C9orf50: variants seen among roughly 807,000 people sequenced by gnomAD.
C9orf50 encodes the protein uncharacterized protein C9orf50.
In C9orf50, 33 loss-of-function variants were observed where a neutral mutation model predicts 42.5. That is an observed-to-expected ratio of 0.78 (90% confidence interval 0.59 to 1.04). C9orf50 has a LOEUF of 1.04. Ranked by LOEUF, C9orf50 falls within the 50% of genes least tolerant of loss-of-function variation. The pLI is 0.00. For missense variants in C9orf50, 547 were observed against 594.3 expected, an observed-to-expected ratio of 0.92 and a Z score of 0.83; for synonymous variants, 257 against 273.4, an observed-to-expected ratio of 0.94 and a Z score of 0.59.
intron 4 of C9orf50, 75 bp downstream of exon 4, chr9:129,615,409 C>A (rs752795348): frequency 5.3e-5 from 77 of 1,442,516 alleles, no homozygotes; most frequent in Non-Finnish European, 6.7e-5. Flanking sequence ...ACTCTAGGGG[C>A]CCGGAGCTAC....
intron 3 of C9orf50, among the ~76,000 whole-genome samples, chr9:129,617,075 G>A (rs3002460): frequency 0.029 from 4,381 of 150,302 alleles, 70 homozygotes; most frequent in Admixed American, 0.045. Context: ...CAAAAAAAAA[G>A]AAAAAAAAAA....
Position 129,613,415 on chromosome 9 carries a change from C to A in C9orf50, c.1043+20G>T, listed in dbSNP as rs758961345. 73 of 1,610,972 alleles carry A rather than the reference C, an allele frequency of 4.5e-5. No homozygotes were observed. Among genetic ancestry groups the A allele is most frequent in the Non-Finnish European group, 5.6e-5 (66 of 1,178,094 alleles). On this transcript the variant is annotated intron_variant, in intron 5 of 6. Transcript: ENST00000372478. This position sits in a 1 kb window ranked among gnomAD's most constrained non-coding sequence, Gnocchi z 6.2. ...CCCTGGCAATGTCCACGAGTCCCAT[C>A]CGCTTCCCTGGAGCCTCACAGGCCA...
Position 129,619,500 on chromosome 9 carries a change from T to A in C9orf50, c.716+20A>T. 6.3e-7 allele frequency: 1 copy of A among 1,574,840 alleles called. No homozygotes were observed. Among genetic ancestry groups the A allele is most frequent in the Non-Finnish European group, 8.7e-7 (1 of 1,146,408 alleles). ...GCCCCTTTCCTCCACTACCCTACCC[T>A]TATCCCGCCCATCACTCACTGGTTG... On this transcript the variant is annotated intron_variant, in intron 3 of 6. Coordinates refer to ENST00000372478, the Ensembl canonical transcript of C9orf50.
rs1389054602 is a variant in C9orf50, at chr9:129,614,475, G to A, written c.881-878C>T. Among the ~76,000 whole-genome samples, 1 of 152,212 alleles carries A rather than the reference G, an allele frequency of 6.6e-6. No individual in the cohort carries two copies. The highest frequency in any genetic ancestry group is 1.5e-5 in the Non-Finnish European group (1 of 68,036). ...GCTCAATAAACAGCTAGAGGACATT[G>A]ACTGTTGGGGACCCTGGGGGCTGCT... On this transcript the variant is annotated intron_variant, in intron 4 of 6. Transcript: ENST00000372478. The surrounding 1 kb of genome is among the most constrained non-coding windows in gnomAD (Gnocchi z 4.4).
Position 129,613,604 on chromosome 9 carries a change from G to T in C9orf50, c.881-7C>A. ...ACAATGACGCTCTGTTGGACTGCAG[G>T]AAAGAGGGCAGGGTGAGATCTCTGC... is the stretch of plus-strand genomic sequence containing the variant. On this transcript the variant is annotated splice_polypyrimidine_tract_variant and splice_region_variant and intron_variant, in intron 4 of 6. Transcript: ENST00000372478. This position sits in a 1 kb window ranked among gnomAD's most constrained non-coding sequence, Gnocchi z 6.2. The T allele has an allele frequency of 6.2e-7, 1 of 1,614,080 alleles. No homozygotes were observed. The highest frequency in any genetic ancestry group is 8.5e-7 in the Non-Finnish European group (1 of 1,180,018).
upstream of C9orf50, chr9:129,620,900 T>G: frequency 3.7e-6 from 1 of 270,754 alleles, no homozygotes; most frequent in Non-Finnish European, 6.9e-6. This position sits in a 1 kb window ranked among gnomAD's most constrained non-coding sequence, Gnocchi z 5.8. Context: ...ACACATAGAC[T>G]AGCTGCCATT....
chr9:129,618,449 G>A (rs1830497834), intron 3 of C9orf50, among the ~76,000 whole-genome samples: 1 of 152,160 alleles, frequency 6.6e-6, no homozygotes, highest in South Asian at 2.1e-4. Context: ...TGGACTGATG[G>A]GTGAGTTAAT....
chr9:129,612,243 T>C, exon 7 of C9orf50: 1 of 915,526 alleles, frequency 1.1e-6, no homozygotes, highest in Non-Finnish European at 1.7e-6. Context: ...TGACACCTAC[T>C]GGCAGGTCCC....
intron 3 of C9orf50, among the ~76,000 whole-genome samples, chr9:129,616,947 G>A (rs549968225): frequency 9.2e-5 from 14 of 152,218 alleles, no homozygotes; most frequent in East Asian, 1.9e-4. Flanking sequence ...GGTGGCGTGC[G>A]CCTGTAGTTC....
chr9:129,620,621 G>C lies in C9orf50; in HGVS notation c.-47C>G. The C allele has an allele frequency of 7.7e-7, 1 of 1,292,100 alleles. No homozygotes were observed. Among genetic ancestry groups the C allele is most frequent in the Non-Finnish European group, 9.8e-7 (1 of 1,019,536 alleles). 80.0% of individuals were successfully genotyped at this position (1,292,100 alleles called of 1,614,324 possible). A position where few individuals can be genotyped will look rare whatever the true frequency, so the allele number is the denominator to read the frequency against. The stretch of plus-strand genomic sequence containing the variant: ...ACCGCACCCTCAGCGCGCGTGGGTG[G>C]GGGGCGCCGGCTGAGGTGGGGAGGG... On this transcript the variant is annotated 5_prime_UTR_variant, in exon 1 of 7. Transcript: ENST00000372478. The surrounding 1 kb of genome is among the most constrained non-coding windows in gnomAD (Gnocchi z 5.8).
chr9:129,620,671 G>T lies in C9orf50; in HGVS notation c.-97C>A. 1 of 1,142,340 alleles carries T rather than the reference G, an allele frequency of 8.8e-7. No individual in the cohort carries two copies. Among genetic ancestry groups the T allele is most frequent in the Non-Finnish European group, 1.1e-6 (1 of 905,008 alleles). 70.8% of individuals were successfully genotyped at this position (1,142,340 alleles called of 1,614,324 possible). ...GCATAGTCCAGCCCCAGGCCATAGT[G>T]CCCCGGGCGGGGCAGCGCGGTGCGG... is the stretch of plus-strand genomic sequence containing the variant. On this transcript the variant is annotated 5_prime_UTR_variant, in exon 1 of 7. Transcript: ENST00000372478. The surrounding 1 kb of genome is among the most constrained non-coding windows in gnomAD (Gnocchi z 5.8).
At chr9:129,618,343 A>T (rs1376386255) in intron 3 of C9orf50, among the ~76,000 whole-genome samples, 1 of 152,156 alleles carries the variant, frequency 6.6e-6, no homozygotes, top group Non-Finnish European at 1.5e-5. Flanking sequence ...TATTCAACAT[A>T]TAGTAAAACC....
Position 129,614,648 on chromosome 9 carries a change from A to G in C9orf50, c.880+836T>C, listed in dbSNP as rs184442301. On this transcript the variant is annotated intron_variant, in intron 4 of 6. Coordinates refer to ENST00000372478, the Ensembl canonical transcript of C9orf50. This position sits in a 1 kb window ranked among gnomAD's most constrained non-coding sequence, Gnocchi z 4.4. ...GCCAGGCGCGGTGGCTCATGCCTGT[A>G]ATCCCAGCACTTTGGGAGGCAGAGG... Among the ~76,000 whole-genome samples the G allele has an allele frequency of 2.5e-3, 386 of 152,286 alleles. 4 individuals carry two copies. The highest frequency in any genetic ancestry group is 7.9e-3 in the African/African-American group (328 of 41,574).
Position 129,620,646 on chromosome 9 carries a change from G to GCATAGTCCAGCCCCAGGC in C9orf50, c.-90_-73dup. ...GGGGGCGCCGGCTGAGGTGGGGAGG[G>GCATAGTCCAGCCCCAGGC]CATAGTCCAGCCCCAGGCCATAGTG... On this transcript the variant is annotated 5_prime_UTR_variant, in exon 1 of 7. The change creates a new upstream start codon in the 5' untranslated region. Coordinates refer to ENST00000372478, the Ensembl canonical transcript of C9orf50. This position sits in a 1 kb window ranked among gnomAD's most constrained non-coding sequence, Gnocchi z 5.8. The GCATAGTCCAGCCCCAGGC allele has an allele frequency of 8.1e-7, 1 of 1,239,200 alleles. No individual in the cohort carries two copies. The highest frequency in any genetic ancestry group is 1.0e-6 in the Non-Finnish European group (1 of 983,848). The allele number at this position is 1,239,200 out of a possible 1,614,324, so 76.8% of individuals were successfully genotyped here. A position where few individuals can be genotyped will look rare whatever the true frequency, so the allele number is the denominator to read the frequency against.
chr9:129,613,162 T>C lies in C9orf50; in HGVS notation c.1133A>G (p.Gln378Arg), dbSNP rs1158121437. Residue 378 changes from glutamine (Q) to arginine (R), a missense_variant, in exon 6 of 7, where the codon CAG becomes CGG. Gln to Arg is a conservative substitution (Grantham distance 43, BLOSUM62 1). Transcript: ENST00000372478. This position sits in a 1 kb window ranked among gnomAD's most constrained non-coding sequence, Gnocchi z 6.2. ...GGCTCGGAGGCTGCTTCGCGGCCTC[T>C]GAGCAGCGGCCTTCTTCCATGAACA... 4 of 1,613,648 alleles carry C rather than the reference T, an allele frequency of 2.5e-6. No individual in the cohort carries two copies. The highest frequency in any genetic ancestry group is 1.6e-4 in the Middle Eastern group (1 of 6,082).
intron 4 of C9orf50, among the ~76,000 whole-genome samples, chr9:129,615,017 GGAGA>G (rs1231388345): frequency 6.6e-6 from 1 of 152,254 alleles, no homozygotes. Flanking sequence ...ACTGTCTCCA[GGAGA>G]GAGAAAGTTT....
At chr9:129,618,868 GTTTT>G (rs34259203) in intron 3 of C9orf50, among the ~76,000 whole-genome samples, 1 of 128,302 alleles carries the variant, frequency 7.8e-6, no homozygotes, top group South Asian at 2.5e-4. Context: ...AATTTTTTGT[GTTTT>G]TTTTTTTTTT....
Position 129,620,609 on chromosome 9 carries a change from C to T in C9orf50, c.-35G>A, listed in dbSNP as rs2118894530. On this transcript the variant is annotated 5_prime_UTR_variant, in exon 1 of 7. Transcript: ENST00000372478. This position sits in a 1 kb window ranked among gnomAD's most constrained non-coding sequence, Gnocchi z 5.8. ...CGCACTCAGCTCACCGCACCCTCAG[C>T]GCGCGTGGGTGGGGGGCGCCGGCTG... 7.7e-7 allele frequency: 1 copy of T among 1,306,196 alleles called. No homozygotes were observed. The highest frequency in any genetic ancestry group is 9.7e-7 in the Non-Finnish European group (1 of 1,026,680). 80.9% of individuals were successfully genotyped at this position (1,306,196 alleles called of 1,614,324 possible). A position where few individuals can be genotyped will look rare whatever the true frequency, so the allele number is the denominator to read the frequency against.
upstream of C9orf50, among the ~76,000 whole-genome samples, chr9:129,621,475 G>A (rs1461535520): frequency 1.3e-5 from 2 of 152,226 alleles, no homozygotes; most frequent in Non-Finnish European, 2.9e-5. Context: ...TCCTGCCTCA[G>A]CCTCCTGAGT....
Sources: allele counts gnomAD v4.1 joint callset (sites outside exome capture counted in the v4.1 genomes callset), GRCh38; gene constraint gnomAD v4.1.1; non-coding constraint Gnocchi (gnomAD v3.1); transcripts MANE v1.5; gene names NCBI Gene and HGNC (gene_info 2026-07-23, HGNC 2026-07-21).